EEF1E1: variants seen among roughly 807,000 people sequenced by gnomAD.
EEF1E1 encodes eukaryotic translation elongation factor 1 epsilon-1.
Under a neutral mutation model 19.9 loss-of-function variants are expected in EEF1E1, and 19 were observed. The ratio of observed to expected loss-of-function variants is 0.95; its 90% CI spans 0.66 to 1.40. The LOEUF (loss-of-function observed/expected upper bound fraction) is 1.40. Ranked by LOEUF, EEF1E1 falls within the 40% of genes most tolerant of loss-of-function variation. The pLI, the probability that EEF1E1 is intolerant of heterozygous loss-of-function variation, is 0.00. For missense variants in EEF1E1, 198 were observed against 202.2 expected (o/e 0.98, Z 0.13); for synonymous variants, 81 against 80.0 (o/e 1.01, Z -0.07).
intron 3 of EEF1E1, among the ~76,000 whole-genome samples, 187 bp from the exon 4 acceptor site, chr6:8,080,217 T>G (rs1757693247): frequency 6.6e-6 from 1 of 152,198 alleles, no homozygotes; most frequent in Non-Finnish European, 1.5e-5. Flanking sequence ...TAAAGGTTCT[T>G]CGTGTTCAAT....
At chr6:8,081,934 G>C (rs1757732883) in intron 3 of EEF1E1, among the ~76,000 whole-genome samples, 1 of 152,092 alleles carries the variant, frequency 6.6e-6, no homozygotes, top group African/African-American at 2.4e-5. Context: ...TCTCCACTCA[G>C]CCATTTGGTA....
intron 1 of EEF1E1, among the ~76,000 whole-genome samples, chr6:8,098,542 G>A (rs908277282): frequency 6.6e-6 from 1 of 152,176 alleles, no homozygotes; most frequent in African/African-American, 2.4e-5. Flanking sequence ...TTCAAAGTAA[G>A]GAGGTAACTT....
chr6:8,094,942 T>C (rs1057249503), intron 2 of EEF1E1, among the ~76,000 whole-genome samples: 3 of 152,190 alleles, frequency 2.0e-5, no homozygotes, highest in African/African-American at 7.2e-5. Context: ...AAGAATACGG[T>C]ATATAATACA....
intron 1 of EEF1E1, among the ~76,000 whole-genome samples, chr6:8,100,882 G>C (rs1406194572): frequency 1.3e-5 from 2 of 148,222 alleles, no homozygotes; most frequent in Admixed American, 1.4e-4. Flanking sequence ...ATTTGCTGAT[G>C]ATTGTTTCTC....
chr6:8,076,193 C>A (rs1169239590), downstream of EEF1E1, among the ~76,000 whole-genome samples: 1 of 151,970 alleles, frequency 6.6e-6, no homozygotes, highest in East Asian at 1.9e-4. Flanking sequence ...CCGTGAATCA[C>A]AAATGTTCCT....
intron 3 of EEF1E1, among the ~76,000 whole-genome samples, chr6:8,086,349 A>T (rs563129741): frequency 1.9e-4 from 29 of 151,990 alleles, no homozygotes; most frequent in Non-Finnish European, 3.7e-4. Context: ...TCAACTGAAA[A>T]CCCATACTCA....
chr6:8,101,597 T>C (rs1009828519), intron 1 of EEF1E1, among the ~76,000 whole-genome samples: 1 of 151,878 alleles, frequency 6.6e-6, no homozygotes, highest in Non-Finnish European at 1.5e-5. Context: ...GAGAAAAAAT[T>C]AAAGACAAAA....
At chr6:8,101,788 T>C (rs1758372795) in intron 1 of EEF1E1, 1 of 1,289,434 alleles carries the variant, frequency 7.8e-7, no homozygotes. Context: ...CCGCATTCAC[T>C]GTGGGTCGTA....
Position 8,082,318 on chromosome 6 carries a change from C to T in EEF1E1, c.385-2288G>A, listed in dbSNP as rs377028023. Among the ~76,000 whole-genome samples, 6 of 152,244 alleles carry T rather than the reference C, an allele frequency of 3.9e-5. No individual in the cohort carries two copies. The East Asian group carries it at 5.8e-4, about 15-fold the overall frequency. ...TTTGAGACAGAGTCTTACTCTGTTG[C>T]CCAGACTGGAGGGCAGTGGCGCGAT... is the stretch of plus-strand genomic sequence containing the variant. On this transcript the variant is annotated intron_variant, in intron 3 of 3. Transcript: ENST00000379715.
chr6:8,093,020 A>ACCCAC, intron 2 of EEF1E1, among the ~76,000 whole-genome samples: 1 of 151,592 alleles, frequency 6.6e-6, no homozygotes, highest in African/African-American at 2.4e-5. Context: ...GACTACAGGC[A>ACCCAC]CACAACATGA....
At chr6:8,076,359 C>T (rs547238434), downstream of EEF1E1, among the ~76,000 whole-genome samples, 7 of 152,108 alleles carry the variant, frequency 4.6e-5, no homozygotes, top group Non-Finnish European at 7.4e-5. Flanking sequence ...AGTCTCGCTC[C>T]GTTGCCCAGG....
intron 1 of EEF1E1, among the ~76,000 whole-genome samples, chr6:8,100,630 C>T (rs75347256): frequency 0.011 from 1,700 of 152,234 alleles, 38 homozygotes; most frequent in African/African-American, 0.038. Context: ...CCCTCTTCAG[C>T]ACACAACTGA....
chr6:8,094,987 G>T (rs1267807333), intron 2 of EEF1E1, among the ~76,000 whole-genome samples: 3 of 152,086 alleles, frequency 2.0e-5, no homozygotes, highest in African/African-American at 7.2e-5. Context: ...CTGACTTTAT[G>T]TTACAGGTAA....
At chr6:8,076,746 A>G (rs575535100), downstream of EEF1E1, among the ~76,000 whole-genome samples, 4 of 152,244 alleles carry the variant, frequency 2.6e-5, 1 homozygote, top group Middle Eastern at 6.8e-3. Flanking sequence ...TTTTATCTCC[A>G]TCAGAGCTCT....
chr6:8,079,070 T>C (rs1412081217), downstream of EEF1E1, among the ~76,000 whole-genome samples: 2 of 152,232 alleles, frequency 1.3e-5, no homozygotes, highest in African/African-American at 4.8e-5. Flanking sequence ...TACAGATCTT[T>C]TAATAAAGTG....
downstream of EEF1E1, chr6:8,078,570 G>A: frequency 1.0e-6 from 1 of 977,120 alleles, no homozygotes; most frequent in Non-Finnish European, 1.3e-6. Flanking sequence ...CTCGCTCGAA[G>A]CAGGGTTGCC....
chr6:8,074,700 G>T (rs1757550942), downstream of EEF1E1, among the ~76,000 whole-genome samples: 2 of 152,234 alleles, frequency 1.3e-5, no homozygotes, highest in African/African-American at 4.8e-5. Context: ...GAAATGAATT[G>T]TTTTGATCTG....
intron 3 of EEF1E1, 47 bp downstream of exon 3, chr6:8,090,139 A>T (rs1757976206): frequency 1.4e-6 from 2 of 1,425,820 alleles, no homozygotes; most frequent in East Asian, 5.0e-5. Context: ...TTTAAAAATC[A>T]TTCTCAACAC....
At chr6:8,081,812 A>AT (rs1293495870) in intron 3 of EEF1E1, among the ~76,000 whole-genome samples, 3 of 152,230 alleles carry the variant, frequency 2.0e-5, no homozygotes, top group Non-Finnish European at 4.4e-5. Context: ...AGATGTAACA[A>AT]TAAGTTTTAC....
Sources: gnomAD v4.1 joint callset for allele counts (sites outside exome capture counted in the v4.1 genomes callset) on GRCh38, gnomAD v4.1.1 for gene constraint, MANE v1.5 for transcripts, NCBI Gene and HGNC (gene_info 2026-07-23, HGNC 2026-07-21) for gene names.